HCN1: variants seen among roughly 807,000 people sequenced by gnomAD.
HCN1 encodes hyperpolarization activated cyclic nucleotide gated potassium channel 1.
Under a neutral mutation model 78.9 loss-of-function variants are expected in HCN1, and 13 were observed. The ratio of observed to expected loss-of-function variants is 0.16; its 90% CI spans 0.11 to 0.26. The LOEUF (loss-of-function observed/expected upper bound fraction) is 0.26. Ranked by LOEUF, HCN1 falls within the 10% of genes least tolerant of loss-of-function variation. The pLI, the probability that HCN1 is intolerant of heterozygous loss-of-function variation, is 1.00. For synonymous variants in HCN1, 552 were observed against 455.5 expected, an observed-to-expected ratio of 1.21 and a Z score of -2.70; for missense variants, 810 against 1,154.3, an observed-to-expected ratio of 0.70 and a Z score of 4.32.
chr5:45,536,312 A>T (rs752981596), intron 2 of HCN1, among the ~76,000 whole-genome samples: 3 of 152,108 alleles, frequency 2.0e-5, no homozygotes, highest in Non-Finnish European at 2.9e-5. Context: ...TTATTCTAGA[A>T]TTCCAATTAC....
At chr5:45,351,981 G>C (rs1366985047) in intron 5 of HCN1, among the ~76,000 whole-genome samples, 5 of 152,112 alleles carry the variant, frequency 3.3e-5, no homozygotes, top group Non-Finnish European at 7.3e-5. Context: ...ATTCCTCAGG[G>C]ATCTAGAACT....
At chr5:45,336,543 G>C (rs552667127) in intron 5 of HCN1, among the ~76,000 whole-genome samples, 16 of 152,064 alleles carry the variant, frequency 1.1e-4, no homozygotes, top group Non-Finnish European at 2.1e-4. Flanking sequence ...TCTATACCTT[G>C]AAGTGTCTCA....
intron 6 of HCN1, among the ~76,000 whole-genome samples, chr5:45,273,423 C>T (rs1269641486): frequency 2.6e-5 from 4 of 152,056 alleles, no homozygotes. Flanking sequence ...CATTTAAGTC[C>T]ACCTGACATT....
chr5:45,388,257 C>T (rs1241393531), intron 4 of HCN1, among the ~76,000 whole-genome samples: 10 of 152,198 alleles, frequency 6.6e-5, no homozygotes, highest in Middle Eastern at 3.4e-3. Context: ...TCTGCTTGTT[C>T]CCTATGGATA....
intron 4 of HCN1, among the ~76,000 whole-genome samples, chr5:45,389,164 G>T (rs531635270): frequency 6.6e-6 from 1 of 152,110 alleles, no homozygotes; most frequent in African/African-American, 2.4e-5. Flanking sequence ...GTCTTATCTA[G>T]AGTCATTTCA....
At chr5:45,669,224 AAAG>A (rs1234674593) in intron 1 of HCN1, among the ~76,000 whole-genome samples, 5 of 151,898 alleles carry the variant, frequency 3.3e-5, no homozygotes, top group African/African-American at 9.7e-5. Flanking sequence ...TGGGGAAGGC[AAAG>A]AAGAAGAGAT....
intron 5 of HCN1, among the ~76,000 whole-genome samples, chr5:45,309,620 T>C (rs900478123): frequency 5.9e-5 from 9 of 152,206 alleles, no homozygotes; most frequent in Admixed American, 6.6e-5. Flanking sequence ...TCTATTGAGA[T>C]AATCATGAGG....
At chr5:45,599,597 A>C (rs1374081475) in intron 2 of HCN1, among the ~76,000 whole-genome samples, 4 of 152,196 alleles carry the variant, frequency 2.6e-5, no homozygotes, top group Non-Finnish European at 5.9e-5. Flanking sequence ...ACTTAAAAAA[A>C]CAAAAGATAA....
intron 2 of HCN1, among the ~76,000 whole-genome samples, chr5:45,467,750 A>T (rs1051961776): frequency 6.6e-6 from 1 of 152,126 alleles, no homozygotes; most frequent in African/African-American, 2.4e-5. Context: ...TTCAAAAGGA[A>T]TACTCTTATA....
intron 5 of HCN1, among the ~76,000 whole-genome samples, chr5:45,316,158 T>A (rs867848913): frequency 5.9e-5 from 9 of 152,070 alleles, no homozygotes; most frequent in Non-Finnish European, 1.2e-4. Flanking sequence ...GATGCAAAAA[T>A]CTTCAATAAA....
intron 1 of HCN1, among the ~76,000 whole-genome samples, chr5:45,681,955 T>C (rs1027357237): frequency 3.9e-5 from 6 of 152,120 alleles, no homozygotes; most frequent in African/African-American, 1.4e-4. Flanking sequence ...CTAACCCACA[T>C]GATAGTGGTG....
chr5:45,452,122 T>C (rs548204315), intron 3 of HCN1, among the ~76,000 whole-genome samples: 2 of 152,114 alleles, frequency 1.3e-5, no homozygotes, highest in Non-Finnish European at 2.9e-5. Flanking sequence ...TTCCAAACTT[T>C]CCCTACACAA....
chr5:45,672,695 T>G (rs1746174858), intron 1 of HCN1, among the ~76,000 whole-genome samples: 1 of 151,024 alleles, frequency 6.6e-6, no homozygotes, highest in Non-Finnish European at 1.5e-5. Flanking sequence ...AAGAAAAAAA[T>G]GTTATGCAAA....
intron 2 of HCN1, among the ~76,000 whole-genome samples, chr5:45,636,880 T>C (rs1420573635): frequency 6.6e-6 from 1 of 152,172 alleles, no homozygotes; most frequent in Non-Finnish European, 1.5e-5. Flanking sequence ...TATAATTCTT[T>C]CAATATCTGA....
At chr5:45,573,504 A>G (rs1025155473) in intron 2 of HCN1, among the ~76,000 whole-genome samples, 1 of 152,048 alleles carries the variant, frequency 6.6e-6, no homozygotes. Context: ...AAACACTGTA[A>G]CACTATCCTT....
intron 5 of HCN1, among the ~76,000 whole-genome samples, chr5:45,305,537 G>A (rs1340726923): frequency 3.9e-5 from 6 of 152,224 alleles, no homozygotes; most frequent in Non-Finnish European, 8.8e-5. Context: ...TTGAGTCCAC[G>A]ATTGGCTGTA....
intron 4 of HCN1, among the ~76,000 whole-genome samples, chr5:45,373,662 G>T (rs189608371): frequency 3.6e-5 from 4 of 110,348 alleles, no homozygotes; most frequent in African/African-American, 1.1e-4. Context: ...TATTACATAC[G>T]GTATATACGT....
rs367971648 is a variant in HCN1, at chr5:45,595,752, C to T, written c.849+49433G>A. Among the ~76,000 whole-genome samples the T allele has an allele frequency of 2.0e-5, 3 of 151,682 alleles. No individual in the cohort carries two copies. The East Asian group carries it at 5.8e-4, about 29-fold the overall frequency. ...TCTATATGAAACAATTAAAAAAAAA[C>T]CAAACAACCAAATGTCATTCTGTGT... On this transcript the variant is annotated intron_variant, in intron 2 of 7. Coordinates refer to ENST00000303230, the MANE Select transcript of HCN1 (RefSeq NM_021072.4).
chr5:45,262,434 G>A lies in HCN1; in HGVS notation c.2160C>T (p.Ala720=), dbSNP rs765058458. ...GTGACAGCTGGGAGGCGGTGGGGGAGGCATAGTGGAAAGTTCGAGCGGCCA... is the reference window on the plus strand; with the variant it reads ...GTGACAGCTGGGAGGCGGTGGGGGAAGCATAGTGGAAAGTTCGAGCGGCCA... ...SPLAARTFHY[A]SPTASQLSLM... Residue 720 remains alanine (A), a synonymous_variant, in exon 8 of 8, where the codon GCC becomes GCT. Coordinates refer to ENST00000303230, the MANE Select transcript of HCN1 (RefSeq NM_021072.4). 1 of 1,611,832 alleles carries A rather than the reference G, an allele frequency of 6.2e-7. No homozygotes were observed. The highest frequency in any genetic ancestry group is 8.5e-7 in the Non-Finnish European group (1 of 1,179,762).
Sources: gnomAD v4.1 joint callset for allele counts (sites outside exome capture counted in the v4.1 genomes callset) on GRCh38, gnomAD v4.1.1 for gene constraint, MANE v1.5 for transcripts, NCBI Gene and HGNC (gene_info 2026-07-23, HGNC 2026-07-21) for gene names.